Variants in TTC7A observed in about 807,000 individuals in gnomAD.
The protein encoded by TTC7A is tetratricopeptide repeat domain 7A.
A neutral mutation model predicts 103.7 loss-of-function variants in TTC7A; 110 were observed. The observed-to-expected ratio is 1.06, with a 90% CI of 0.91 to 1.24. The LOEUF (loss-of-function observed/expected upper bound fraction) is 1.24. Ranked by LOEUF, TTC7A falls within the 50% of genes most tolerant of loss-of-function variation. The pLI is 0.00. For synonymous variants in TTC7A, 521 were observed against 467.9 expected, an observed-to-expected ratio of 1.11 and a Z score of -1.47; for missense variants, 1,340 against 1,116.3, an observed-to-expected ratio of 1.20 and a Z score of -2.86.
At chr2:47,048,674 C>G (rs1682566133) in intron 16 of TTC7A, among the ~76,000 whole-genome samples, 1 of 152,184 alleles carries the variant, frequency 6.6e-6, no homozygotes, top group African/African-American at 2.4e-5. Context: ...AGGATCACAG[C>G]TCACTGCAGC....
intron 3 of TTC7A, among the ~76,000 whole-genome samples, chr2:46,970,675 C>A (rs1334082054): frequency 6.6e-6 from 1 of 152,244 alleles, no homozygotes; most frequent in Non-Finnish European, 1.5e-5. Flanking sequence ...TTCGCCCCAC[C>A]TTCCTGCAAG....
chr2:46,994,641 C>T (rs1675977416), intron 7 of TTC7A, 127 bp downstream of exon 7: 1 of 928,148 alleles, frequency 1.1e-6, no homozygotes, highest in African/African-American at 1.6e-5. Flanking sequence ...GCCAGCCAGC[C>T]TCCTCAGTCT....
At position 47,037,390 on chromosome 2, in the gene TTC7A, C is replaced by T. The variant is rs1022658853; in HGVS notation, c.1802+8006C>T. Among the ~76,000 whole-genome samples the T allele has an allele frequency of 2.0e-5, 3 of 152,182 alleles. No homozygotes were observed. In the East Asian group the frequency reaches 5.8e-4, roughly 29 times the overall value. On this transcript the variant is annotated intron_variant, in intron 15 of 19. Coordinates refer to ENST00000319190, the MANE Select transcript of TTC7A (RefSeq NM_020458.4). ...GTTTTTTGGAAGGAAGAGAACCATG[C>T]GGGGATTTGGGGATCTCACAGCCAG...
chr2:46,962,631 TC>T (rs1480401165), intron 3 of TTC7A, among the ~76,000 whole-genome samples: 10 of 152,220 alleles, frequency 6.6e-5, no homozygotes, highest in Non-Finnish European at 1.5e-4. Flanking sequence ...GGTCTGCTGC[TC>T]CTGCCATGGC....
chr2:47,027,294 C>T (rs1680019438), intron 14 of TTC7A, among the ~76,000 whole-genome samples: 2 of 152,182 alleles, frequency 1.3e-5, no homozygotes, highest in African/African-American at 2.4e-5. Context: ...CCTGGACCCA[C>T]AGCACAAGGA....
intron 11 of TTC7A, among the ~76,000 whole-genome samples, chr2:47,017,152 A>C (rs1678744525): frequency 6.9e-6 from 1 of 145,928 alleles, no homozygotes; most frequent in Non-Finnish European, 1.5e-5. Context: ...GTGAGTCAAG[A>C]TCATGCCACT....
chr2:47,024,421 C>G (rs1170751016), intron 14 of TTC7A, 62 bp downstream of exon 14: 10 of 1,432,440 alleles, frequency 7.0e-6, no homozygotes, highest in African/African-American at 5.8e-5. Context: ...TCCTGGAAAC[C>G]CAGCTTACCA....
intron 14 of TTC7A, among the ~76,000 whole-genome samples, chr2:47,025,541 GCTGGGACCC>G (rs1679807185): frequency 1.3e-5 from 2 of 152,136 alleles, no homozygotes; most frequent in South Asian, 4.1e-4. Flanking sequence ...TACTCTCAGT[GCTGGGACCC>G]CTTCCCTCTC....
intron 5 of TTC7A, among the ~76,000 whole-genome samples, chr2:46,989,817 CATCTGTGTGTGTGTGTGTGTGT>C (rs1451476252): frequency 2.4e-5 from 2 of 84,284 alleles, no homozygotes; most frequent in Non-Finnish European, 4.8e-5. Context: ...TGTGTGTGTG[CATCTGTGTGTGTGTGTGTGTGT>C]GCATCTGTGT....
chr2:47,073,641 TTGCCAAGA>T lies in TTC7A; in HGVS notation c.2356-56_2356-49del, dbSNP rs1353702561. The T allele has an allele frequency of 2.0e-6, 3 of 1,477,976 alleles. No individual in the cohort carries two copies. In the African/African-American group the frequency reaches 4.2e-5, roughly 20 times the overall value. The allele number at this position is 1,477,976 out of a possible 1,614,324, so 91.6% of individuals were successfully genotyped here. Reference sequence around the variant, plus strand: ...ACCCGTGCACCTGTGCTTGGCCCAGTTGCCAAGATGCCTGTGCCATGGGACACCCCTAC... The same window carrying T: ...ACCCGTGCACCTGTGCTTGGCCCAGTTGCCTGTGCCATGGGACACCCCTAC... On this transcript the variant is annotated intron_variant, in intron 19 of 19. Transcript: ENST00000319190.
intron 5 of TTC7A, among the ~76,000 whole-genome samples, 165 bp from the exon 6 acceptor site, chr2:46,993,285 C>T (rs975458902): frequency 6.6e-6 from 1 of 151,356 alleles, no homozygotes; most frequent in Non-Finnish European, 1.5e-5. Flanking sequence ...TGTCCTGGGC[C>T]TCTAAAGTCC....
At chr2:46,936,714 A>G (rs541743910), upstream of TTC7A, among the ~76,000 whole-genome samples, 39 of 152,346 alleles carry the variant, frequency 2.6e-4, no homozygotes, top group African/African-American at 9.1e-4. Flanking sequence ...AAGATAATTT[A>G]GAATTGCGGT....
rs1343330555 is a variant in TTC7A, at chr2:47,006,159, T to G, written c.1203+100T>G. On this transcript the variant is annotated intron_variant, in intron 9 of 19. Transcript: ENST00000319190. ...GTCCCTTCTCCACCTGTCATTCCCC[T>G]GCCAGGCTGCTCTGCCGCTTTGACC... The G allele has an allele frequency of 2.0e-6, 3 of 1,491,216 alleles. No individual in the cohort carries two copies. The East Asian group carries it at 6.9e-5, about 34-fold the overall frequency. The allele number at this position is 1,491,216 out of a possible 1,614,324, so 92.4% of individuals were successfully genotyped here.
intron 15 of TTC7A, among the ~76,000 whole-genome samples, chr2:47,042,702 G>GTGTGTGTA (rs111460716): frequency 0.033 from 4,727 of 142,592 alleles, 95 homozygotes; most frequent in South Asian, 0.074. Flanking sequence ...GTGTGTGTGT[G>GTGTGTGTA]TATATATATG....
At chr2:47,043,088 A>G (rs1681938518) in intron 15 of TTC7A, among the ~76,000 whole-genome samples, 1 of 152,256 alleles carries the variant, frequency 6.6e-6, no homozygotes, top group African/African-American at 2.4e-5. Context: ...TTCCTGAAGA[A>G]ATGGGCTAAG....
chr2:46,918,423 A>T (rs1668929708), intron 2 of TTC7A, among the ~76,000 whole-genome samples: 1 of 152,286 alleles, frequency 6.6e-6, no homozygotes, highest in African/African-American at 2.4e-5. Flanking sequence ...GAGCTTCCTA[A>T]CTGACCGTCC....
chr2:46,987,034 C>T (rs1277149184), intron 5 of TTC7A, among the ~76,000 whole-genome samples: 4 of 152,214 alleles, frequency 2.6e-5, no homozygotes, highest in Admixed American at 2.0e-4. Context: ...ATGGCTCTTG[C>T]CCCTTGCTCT....
chr2:46,970,695 C>T (rs1031229142), intron 3 of TTC7A, among the ~76,000 whole-genome samples: 1 of 152,242 alleles, frequency 6.6e-6, no homozygotes, highest in Admixed American at 6.5e-5. Flanking sequence ...GGTGGATAGG[C>T]TGCATGTCTG....
intron 3 of TTC7A, among the ~76,000 whole-genome samples, chr2:46,966,614 A>G (rs960594019): frequency 1.4e-4 from 21 of 151,452 alleles, no homozygotes; most frequent in Middle Eastern, 3.4e-3. Flanking sequence ...GCCATTATAA[A>G]TAATACTGAA....
Sources: gnomAD v4.1 joint callset for allele counts (sites outside exome capture counted in the v4.1 genomes callset) on GRCh38, gnomAD v4.1.1 for gene constraint, MANE v1.5 for transcripts, NCBI Gene and HGNC (gene_info 2026-07-23, HGNC 2026-07-21) for gene names.